Variants in ADIPOR2 observed in about 807,000 individuals in gnomAD.
ADIPOR2 encodes adiponectin receptor protein 2.
Under a neutral mutation model 40.9 loss-of-function variants are expected in ADIPOR2, and 18 were observed. That is an observed-to-expected ratio of 0.44 (90% CI 0.30 to 0.65). ADIPOR2 has a LOEUF of 0.65. ADIPOR2 is among the 30% of genes least tolerant of loss of function. The pLI is 0.09. For missense variants in ADIPOR2, 283 were observed against 479.2 expected (o/e 0.59, Z 3.82); for synonymous variants, 165 against 166.4 (o/e 0.99, Z 0.06).
intron 1 of ADIPOR2, among the ~76,000 whole-genome samples, chr12:1,734,442 A>G: frequency 6.6e-6 from 1 of 152,096 alleles, no homozygotes; most frequent in Non-Finnish European, 1.5e-5. Context: ...TCCTTTGCCC[A>G]CTTTTTGATG....
chr12:1,764,778 A>G (rs1215357366), intron 2 of ADIPOR2, among the ~76,000 whole-genome samples: 6 of 151,996 alleles, frequency 3.9e-5, no homozygotes, highest in Non-Finnish European at 5.9e-5. Context: ...ACTTTATCTC[A>G]TTGTAATCAT....
intron 1 of ADIPOR2, among the ~76,000 whole-genome samples, chr12:1,701,641 C>T (rs1054945827): frequency 1.3e-5 from 2 of 152,122 alleles, no homozygotes; most frequent in South Asian, 2.1e-4. Flanking sequence ...CCCTAATAGT[C>T]ATACTTTTAT....
intron 1 of ADIPOR2, among the ~76,000 whole-genome samples, chr12:1,692,643 TG>T (rs570747661): frequency 3.5e-4 from 53 of 152,232 alleles, no homozygotes; most frequent in African/African-American, 1.3e-3. Flanking sequence ...AAAGAGAGTT[TG>T]TTTTTTTTTT....
In ADIPOR2 at chr12:1,787,820, G is replaced by C. The variant is rs186160725; in HGVS notation, c.*1748G>C. The C allele has an allele frequency of 6.6e-6, 1 of 152,336 alleles. No individual in the cohort carries two copies. Among genetic ancestry groups the C allele is most frequent in the Non-Finnish European group, 1.5e-5 (1 of 68,058 alleles). 9.4% of individuals were successfully genotyped at this position (152,336 alleles called of 1,614,324 possible). A position where few individuals can be genotyped will look rare whatever the true frequency, so the allele number is the denominator to read the frequency against. ...CCTTGCAATCTCCAGCAAAAGGTGG[G>C]ATCTAGGAAGAAAGAATCCAGTGTA... On this transcript the variant is annotated 3_prime_UTR_variant, in exon 8 of 8. Coordinates refer to ENST00000357103, the MANE Select transcript of ADIPOR2 (RefSeq NM_024551.3).
chr12:1,775,777 C>G (rs1862578764), intron 3 of ADIPOR2, among the ~76,000 whole-genome samples: 1 of 152,206 alleles, frequency 6.6e-6, no homozygotes, highest in African/African-American at 2.4e-5. Context: ...CTTGGTCTCT[C>G]TCTGACACTA....
chr12:1,706,692 A>G lies in ADIPOR2; in HGVS notation c.-87+15501A>G, dbSNP rs73591715. On this transcript the variant is annotated intron_variant, in intron 1 of 7. Coordinates refer to ENST00000357103, the MANE Select transcript of ADIPOR2 (RefSeq NM_024551.3). ...AATGTACATACCCACCCAGATAACC[A>G]TCACCCTAATCAAGGTAATGGAATT... Among the ~76,000 whole-genome samples, 1,024 of 152,290 alleles carry G rather than the reference A, an allele frequency of 6.7e-3. 14 individuals are homozygous for G. Among genetic ancestry groups the G allele is most frequent in the African/African-American group, 0.023 (972 of 41,548 alleles).
At chr12:1,759,897 C>T (rs1862231256) in intron 2 of ADIPOR2, among the ~76,000 whole-genome samples, 1 of 151,962 alleles carries the variant, frequency 6.6e-6, no homozygotes. Flanking sequence ...TGGTGGCAGG[C>T]ACCTATAATC....
intron 2 of ADIPOR2, among the ~76,000 whole-genome samples, chr12:1,772,149 C>T (rs75636826): frequency 0.012 from 1,856 of 152,238 alleles, 48 homozygotes; most frequent in African/African-American, 0.043. Context: ...TAGACCATAC[C>T]AGATTGTCAC....
chr12:1,711,102 TC>T (rs1309124055), intron 1 of ADIPOR2, among the ~76,000 whole-genome samples: 1 of 152,130 alleles, frequency 6.6e-6, no homozygotes, highest in Non-Finnish European at 1.5e-5. Context: ...GCAACATTCT[TC>T]CCCTAAGAAG....
At chr12:1,720,860 G>T (rs1256695108) in intron 1 of ADIPOR2, among the ~76,000 whole-genome samples, 1 of 152,148 alleles carries the variant, frequency 6.6e-6, no homozygotes, top group African/African-American at 2.4e-5. Context: ...ACTGCTTAGG[G>T]CTAACCTGCC....
intron 1 of ADIPOR2, among the ~76,000 whole-genome samples, chr12:1,707,674 G>C (rs1048305579): frequency 1.3e-5 from 2 of 152,046 alleles, no homozygotes; most frequent in Non-Finnish European, 2.9e-5. Context: ...AGATCTTGCT[G>C]TGTGCCCAGG....
chr12:1,750,546 C>T (rs1002725513), intron 1 of ADIPOR2, among the ~76,000 whole-genome samples: 1 of 152,062 alleles, frequency 6.6e-6, no homozygotes, highest in African/African-American at 2.4e-5. Context: ...CCAGCCTGGG[C>T]AACAGAGTGA....
chr12:1,703,244 G>GT lies in ADIPOR2; in HGVS notation c.-87+12054dup, dbSNP rs1479863944. On this transcript the variant is annotated intron_variant, in intron 1 of 7. Transcript: ENST00000357103. ...ATATACTAGTTAAGTTTTTTAAAAA[G>GT]TATTTTGCAGAGAAAATATGCACAG... Among the ~76,000 whole-genome samples the GT allele has an allele frequency of 2.6e-5, 4 of 152,284 alleles. No homozygotes were observed. In the East Asian group the frequency reaches 7.7e-4, roughly 29 times the overall value.
intron 1 of ADIPOR2, among the ~76,000 whole-genome samples, chr12:1,737,240 T>C (rs2094732789): frequency 6.6e-6 from 1 of 152,254 alleles, no homozygotes; most frequent in Admixed American, 6.5e-5. Flanking sequence ...CCCAAATACT[T>C]GTTCCTCAGA....
At chr12:1,704,868 CAGA>C (rs1186406380) in intron 1 of ADIPOR2, among the ~76,000 whole-genome samples, 3 of 151,692 alleles carry the variant, frequency 2.0e-5, no homozygotes, top group Admixed American at 6.6e-5. Flanking sequence ...TACTGGTGGT[CAGA>C]AGAAGGCCTT....
At chr12:1,758,862 C>T (rs1862206902) in intron 2 of ADIPOR2, among the ~76,000 whole-genome samples, 1 of 152,144 alleles carries the variant, frequency 6.6e-6, no homozygotes, top group Non-Finnish European at 1.5e-5. Context: ...TCATTTGCTT[C>T]TCAAAACTAT....
At chr12:1,782,104 T>C (rs1481744065) in intron 6 of ADIPOR2, among the ~76,000 whole-genome samples, 5 of 152,228 alleles carry the variant, frequency 3.3e-5, no homozygotes, top group African/African-American at 1.2e-4. Flanking sequence ...TTGCTTAGCA[T>C]GTAGAGGAAA....
At position 1,787,436 on chromosome 12, in the gene ADIPOR2, G is replaced by C. The variant is rs2154444681; in HGVS notation, c.*1364G>C. On this transcript the variant is annotated 3_prime_UTR_variant, in exon 8 of 8. Transcript: ENST00000357103. ...CACTCACTGAACCTCACTTTACAGG[G>C]ATAAGAGTGGTGTGGCATTTTAAAT... 1 of 152,356 alleles carries C rather than the reference G, an allele frequency of 6.6e-6. No individual in the cohort carries two copies. The highest frequency in any genetic ancestry group is 1.9e-4 in the East Asian group (1 of 5,188). 9.4% of individuals were successfully genotyped at this position (152,356 alleles called of 1,614,324 possible). A position where few individuals can be genotyped will look rare whatever the true frequency, so the allele number is the denominator to read the frequency against.
chr12:1,782,921 TTTAGA>T (rs758240291), intron 6 of ADIPOR2, among the ~76,000 whole-genome samples: 5 of 151,916 alleles, frequency 3.3e-5, no homozygotes, highest in Non-Finnish European at 5.9e-5. Context: ...AGGTTATAGA[TTTAGA>T]TTAAATTTTT....
Sources: gnomAD v4.1 joint callset for allele counts (sites outside exome capture counted in the v4.1 genomes callset) on GRCh38, gnomAD v4.1.1 for gene constraint, MANE v1.5 for transcripts, NCBI Gene and HGNC (gene_info 2026-07-23, HGNC 2026-07-21) for gene names.